Variants in FGGY observed in about 807,000 individuals in gnomAD.
The protein encoded by FGGY is FGGY carbohydrate kinase domain-containing protein.
In FGGY, 72 loss-of-function variants were observed where a neutral mutation model predicts 71.3. That is an observed-to-expected ratio of 1.01 (90% CI 0.84 to 1.23). The LOEUF (loss-of-function observed/expected upper bound fraction) is 1.23, where lower values mean the gene tolerates loss of function less well. FGGY is among the 50% of genes most tolerant of loss of function. The pLI is 0.00. For synonymous variants in FGGY, 251 were observed against 250.3 expected (o/e 1.00, Z -0.02); for missense variants, 668 against 682.3 (o/e 0.98, Z 0.23).
At chr1:59,688,008 G>A (rs1558802198) in intron 14 of FGGY, among the ~76,000 whole-genome samples, 1 of 152,182 alleles carries the variant, frequency 6.6e-6, no homozygotes, top group Non-Finnish European at 1.5e-5. Context: ...ACGTTCACTT[G>A]GACTAAAGCT....
intron 1 of FGGY, among the ~76,000 whole-genome samples, chr1:59,319,610 A>G (rs894416338): frequency 3.3e-5 from 5 of 152,206 alleles, no homozygotes; most frequent in East Asian, 1.9e-4. Flanking sequence ...CCAGGCAGAC[A>G]AGGAAAGGAG....
At chr1:59,381,324 G>C (rs377156992) in intron 5 of FGGY, among the ~76,000 whole-genome samples, 1 of 152,214 alleles carries the variant, frequency 6.6e-6, no homozygotes, top group Admixed American at 6.5e-5. Context: ...TTCCAATTCT[G>C]TGAAGAAAGT....
At chr1:59,481,912 T>A (rs2093486206) in intron 6 of FGGY, among the ~76,000 whole-genome samples, 1 of 152,138 alleles carries the variant, frequency 6.6e-6, no homozygotes, top group South Asian at 2.1e-4. Context: ...TTTCACAGAG[T>A]ATCTTATAAA....
intron 6 of FGGY, among the ~76,000 whole-genome samples, chr1:59,457,505 G>A (rs527833307): frequency 3.3e-5 from 5 of 152,094 alleles, no homozygotes; most frequent in African/African-American, 4.8e-5. Context: ...CAGCTACTCC[G>A]GAGGCTGAGG....
chr1:59,492,454 A>AT (rs1474501950), intron 6 of FGGY, among the ~76,000 whole-genome samples: 2 of 151,980 alleles, frequency 1.3e-5, no homozygotes, highest in Non-Finnish European at 2.9e-5. Flanking sequence ...GTATTTTTGG[A>AT]TTTTTTTCTA....
chr1:59,404,002 A>G (rs2062367948), intron 5 of FGGY, among the ~76,000 whole-genome samples: 1 of 152,218 alleles, frequency 6.6e-6, no homozygotes. Context: ...ATTATATAAG[A>G]TAAAATTATA....
intron 3 of FGGY, among the ~76,000 whole-genome samples, chr1:59,342,032 G>C (rs186175819): frequency 1.5e-4 from 23 of 152,314 alleles, no homozygotes; most frequent in Admixed American, 1.4e-3. Flanking sequence ...CCATGTTAGA[G>C]AGCCTGATTT....
At chr1:59,647,805 A>T (rs1448670874) in intron 11 of FGGY, among the ~76,000 whole-genome samples, 3 of 120,628 alleles carry the variant, frequency 2.5e-5, no homozygotes, top group African/African-American at 1.0e-4. Context: ...TGTGCAGGTT[A>T]GTTACATATG....
rs1335016855 is a variant in FGGY, at chr1:59,638,338, A to C, written c.1184A>C (p.Asn395Thr). 9 of 1,614,250 alleles carry C rather than the reference A, an allele frequency of 5.6e-6. No homozygotes were observed. Among genetic ancestry groups the C allele is most frequent in the South Asian group, 5.5e-5 (5 of 91,082 alleles). Reference sequence around the variant, plus strand: ...CATGTTTGGCCAGATTTCCATGGCAACCGGTCTCCCTTAGCAGATCTGACA... The same window carrying C: ...CATGTTTGGCCAGATTTCCATGGCACCCGGTCTCCCTTAGCAGATCTGACA... The part of the protein sequence containing the change: ...DLHVWPDFHG[N>T]RSPLADLTLK... Residue 395 changes from asparagine to threonine, a missense_variant, in exon 11 of 16, where the codon AAC becomes ACC. Physicochemically the swap from Asn to Thr is moderately conservative, Grantham distance 65 (BLOSUM62 0). Transcript: ENST00000303721.
chr1:59,549,936 T>G (rs1429756565), intron 7 of FGGY, among the ~76,000 whole-genome samples: 2 of 152,216 alleles, frequency 1.3e-5, no homozygotes, highest in Admixed American at 1.3e-4. Flanking sequence ...CATTGCTTGA[T>G]ATGAACTATG....
chr1:59,330,732 C>A (rs1409256323), intron 2 of FGGY, among the ~76,000 whole-genome samples: 1 of 152,040 alleles, frequency 6.6e-6, no homozygotes, highest in African/African-American at 2.4e-5. Flanking sequence ...ATGGGAACAT[C>A]AAGGATCGAA....
rs1036093212 is a variant in FGGY at position 59,479,213 on chromosome 1, A to G, written c.670+22137A>G. On this transcript the variant is annotated intron_variant, in intron 6 of 15. Transcript: ENST00000303721. ...AAGACAGGTGTCAGGACTCAGAGTC[A>G]CAGTTGAGAAAATGAAGCCAGAAAG... Among the ~76,000 whole-genome samples the G allele has an allele frequency of 2.6e-5, 4 of 152,220 alleles. No individual in the cohort carries two copies. In the South Asian group the frequency reaches 6.2e-4, roughly 24 times the overall value.
In FGGY at chr1:59,393,591, C is replaced by G. The variant is rs537301666; in HGVS notation, c.554+14754C>G. Among the ~76,000 whole-genome samples the G allele has an allele frequency of 3.6e-4, 55 of 152,236 alleles. No homozygotes were observed. In the South Asian group the frequency reaches 0.011, roughly 30 times the overall value. On this transcript the variant is annotated intron_variant, in intron 5 of 15. Coordinates refer to ENST00000303721, the MANE Select transcript of FGGY (RefSeq NM_018291.5). ...CCCTTTCCCACCCCATCCCCCTCCT[C>G]TCTCCCTTCTCTCTTACTTACTTTG... is the stretch of plus-strand genomic sequence containing the variant.
intron 11 of FGGY, among the ~76,000 whole-genome samples, chr1:59,640,680 G>A (rs979365978): frequency 6.9e-6 from 1 of 145,342 alleles, no homozygotes; most frequent in Non-Finnish European, 1.5e-5. Context: ...ATAATAAAGA[G>A]GTCATTTGTT....
intron 6 of FGGY, among the ~76,000 whole-genome samples, chr1:59,480,100 T>C (rs2093415826): frequency 1.3e-5 from 2 of 152,194 alleles, no homozygotes; most frequent in Admixed American, 1.3e-4. Flanking sequence ...ACACTTGTCA[T>C]TGAATGGAAA....
At chr1:59,453,182 T>G (rs1040102122) in intron 5 of FGGY, among the ~76,000 whole-genome samples, 4 of 152,214 alleles carry the variant, frequency 2.6e-5, no homozygotes, top group African/African-American at 4.8e-5. Context: ...ATCAGTTTGA[T>G]TTAAAGAAAC....
intron 9 of FGGY, among the ~76,000 whole-genome samples, chr1:59,613,139 C>G (rs1572098460): frequency 6.6e-6 from 1 of 152,182 alleles, no homozygotes; most frequent in Admixed American, 6.5e-5. Context: ...AGCTCTGCAC[C>G]AAGTGGACCT....
At chr1:59,314,830 C>T (rs2045108602) in intron 1 of FGGY, among the ~76,000 whole-genome samples, 1 of 152,210 alleles carries the variant, frequency 6.6e-6, no homozygotes, top group African/African-American at 2.4e-5. Context: ...CTTATGTCTT[C>T]AGTTGTCAAG....
chr1:59,647,794 T>G (rs924595550), intron 11 of FGGY, among the ~76,000 whole-genome samples: 1 of 139,014 alleles, frequency 7.2e-6, no homozygotes, highest in Non-Finnish European at 1.6e-5. Flanking sequence ...CATGTGCACA[T>G]TGTGCAGGTT....
Sources: allele counts gnomAD v4.1 joint callset (sites outside exome capture counted in the v4.1 genomes callset), GRCh38; gene constraint gnomAD v4.1.1; transcripts MANE v1.5; gene names NCBI Gene and HGNC (gene_info 2026-07-23, HGNC 2026-07-21).